ADAMTSL1: variants seen among roughly 807,000 people sequenced by gnomAD.
The protein encoded by ADAMTSL1 is ADAMTS like 1.
ADAMTSL1 carries 126 observed loss-of-function variants against 201.8 expected under a neutral mutation model. The ratio of observed to expected loss-of-function variants is 0.62; its 90% confidence interval spans 0.54 to 0.72. ADAMTSL1 has a LOEUF of 0.72. ADAMTSL1 is among the 30% of genes least tolerant of loss of function. The pLI, the probability that ADAMTSL1 is intolerant of heterozygous loss-of-function variation, is 0.00. For missense variants in ADAMTSL1, 2,679 were observed against 2,277.8 expected (o/e 1.18, Z -3.59); for synonymous variants, 1,121 against 903.4 (o/e 1.24, Z -4.32).
chr9:18,140,962 C>G lies in ADAMTSL1; in HGVS notation c.88-22900C>G, dbSNP rs551875990. ...ATTCATCCTTTCATTTTTGTGGCCA[C>G]CAAGTATTTGGTGAGCTCTGAAAAG... On this transcript the variant is annotated intron_variant, in intron 1 of 29. Transcript: ENST00000680146. 2.6e-5 allele frequency among the ~76,000 whole-genome samples: 4 copies of G among 152,236 alleles called. No homozygotes were observed. In the East Asian group the frequency reaches 7.7e-4, roughly 29 times the overall value.
At chr9:18,474,114 C>G, upstream of ADAMTSL1, 2 of 536,594 alleles carry the variant, frequency 3.7e-6, no homozygotes, top group East Asian at 5.4e-5. Context: ...GTGAGAGGGG[C>G]TGATGGAAGC....
At chr9:17,985,093 C>T (rs1402706924) in intron 1 of ADAMTSL1, among the ~76,000 whole-genome samples, 6 of 152,048 alleles carry the variant, frequency 3.9e-5, no homozygotes, top group Non-Finnish European at 5.9e-5. Context: ...TTCCAAGTAC[C>T]GTCACTCTTT....
intron 4 of ADAMTSL1, among the ~76,000 whole-genome samples, chr9:18,621,032 T>C (rs549247165): frequency 6.6e-6 from 1 of 152,350 alleles, no homozygotes; most frequent in East Asian, 1.9e-4. Context: ...CTGGTCATAT[T>C]AACAACCAGA....
intron 2 of ADAMTSL1, among the ~76,000 whole-genome samples, chr9:18,520,098 A>G (rs751572120): frequency 5.9e-5 from 9 of 152,248 alleles, no homozygotes; most frequent in Non-Finnish European, 1.3e-4. Context: ...CAAAAAGCCA[A>G]TTTGAAACTT....
chr9:18,794,184 G>C (rs1167061063), intron 19 of ADAMTSL1, among the ~76,000 whole-genome samples: 1 of 152,072 alleles, frequency 6.6e-6, no homozygotes, highest in Non-Finnish European at 1.5e-5. Flanking sequence ...GACCTGAAGA[G>C]GATCACATGA....
At chr9:18,325,871 G>A (rs532406445) in intron 2 of ADAMTSL1, among the ~76,000 whole-genome samples, 13 of 152,188 alleles carry the variant, frequency 8.5e-5, no homozygotes, top group Non-Finnish European at 1.2e-4. Context: ...CTCCCGCGTC[G>A]CTGGGATTAC....
Position 18,202,031 on chromosome 9 carries a change from T to C in ADAMTSL1, c.207+38050T>C, listed in dbSNP as rs575122891. On this transcript the variant is annotated intron_variant, in intron 2 of 29. Transcript: ENST00000680146. ...AGAATAATTCAATATGATTTGCTGT[T>C]ACCATATTCAAGATATACAGATTGT... Among the ~76,000 whole-genome samples the C allele has an allele frequency of 5.9e-5, 9 of 152,290 alleles. No homozygotes were observed. In the East Asian group the frequency reaches 1.7e-3, roughly 29 times the overall value.
intron 2 of ADAMTSL1, among the ~76,000 whole-genome samples, chr9:18,178,208 A>C (rs1414846308): frequency 3.9e-5 from 6 of 152,342 alleles, no homozygotes; most frequent in African/African-American, 1.4e-4. Context: ...GCATTGCCTC[A>C]CTTGGGAAGC....
In ADAMTSL1 at chr9:18,156,946, T is replaced by A. The variant is rs541769735; in HGVS notation, c.88-6916T>A. Among the ~76,000 whole-genome samples, 4 of 152,226 alleles carry A rather than the reference T, an allele frequency of 2.6e-5. No individual in the cohort carries two copies. The East Asian group carries it at 7.7e-4, about 29-fold the overall frequency. ...ATAAGGAAGAAGATAATTGGCTTTA[T>A]GTTTTGGGAAAGGTGCTGCCTTTCT... On this transcript the variant is annotated intron_variant, in intron 1 of 29. Transcript: ENST00000680146.
At chr9:18,903,728 A>G (rs1458867221) in intron 26 of ADAMTSL1, among the ~76,000 whole-genome samples, 1 of 152,046 alleles carries the variant, frequency 6.6e-6, no homozygotes, top group African/African-American at 2.4e-5. Context: ...GATTGGTGTC[A>G]GGAGCACCTG....
At chr9:17,976,234 A>AT (rs34637497) in intron 1 of ADAMTSL1, among the ~76,000 whole-genome samples, 32 of 151,040 alleles carry the variant, frequency 2.1e-4, no homozygotes, top group Non-Finnish European at 8.9e-5. Context: ...AAAATTTAGT[A>AT]TTTTTTTTTT....
intron 9 of ADAMTSL1, among the ~76,000 whole-genome samples, chr9:18,666,109 C>A (rs1829416189): frequency 6.6e-6 from 1 of 152,140 alleles, no homozygotes; most frequent in Non-Finnish European, 1.5e-5. Flanking sequence ...CGACATTGTG[C>A]TGAGGTAGGA....
chr9:18,451,589 T>A (rs553406026), intron 2 of ADAMTSL1, among the ~76,000 whole-genome samples: 1 of 152,342 alleles, frequency 6.6e-6, no homozygotes, highest in South Asian at 2.1e-4. Flanking sequence ...AATATACTTG[T>A]TTATCTGGCT....
At chr9:18,840,466 G>A (rs1825645404) in intron 23 of ADAMTSL1, among the ~76,000 whole-genome samples, 2 of 152,182 alleles carry the variant, frequency 1.3e-5, no homozygotes, top group Non-Finnish European at 2.9e-5. Context: ...AAGTCAGGTA[G>A]TGTGATGCCT....
intron 2 of ADAMTSL1, among the ~76,000 whole-genome samples, chr9:18,373,091 T>C (rs1448923914): frequency 6.6e-6 from 1 of 152,246 alleles, no homozygotes; most frequent in Non-Finnish European, 1.5e-5. Context: ...TCTAAAATTA[T>C]AGGTTTAAGT....
At chr9:18,790,048 T>C (rs1381548926) in intron 19 of ADAMTSL1, among the ~76,000 whole-genome samples, 2 of 152,154 alleles carry the variant, frequency 1.3e-5, no homozygotes, top group Non-Finnish European at 2.9e-5. Context: ...ATATTTTGTC[T>C]GACAACTAGA....
chr9:18,315,953 A>G (rs1326950519), intron 2 of ADAMTSL1, among the ~76,000 whole-genome samples: 1 of 152,168 alleles, frequency 6.6e-6, no homozygotes, highest in Non-Finnish European at 1.5e-5. Flanking sequence ...GTTCTTTTCT[A>G]TTTTCCCTAA....
intron 23 of ADAMTSL1, among the ~76,000 whole-genome samples, chr9:18,836,709 A>T (rs556848649): frequency 6.6e-6 from 1 of 152,306 alleles, no homozygotes; most frequent in Non-Finnish European, 1.5e-5. Context: ...TACTAATGAT[A>T]TTGGTTCTTC....
chr9:18,341,105 A>T (rs1304422413), intron 2 of ADAMTSL1, among the ~76,000 whole-genome samples: 1 of 152,042 alleles, frequency 6.6e-6, no homozygotes, highest in Non-Finnish European at 1.5e-5. Context: ...AGGAACACAA[A>T]ATTGATCATT....
Sources: allele counts gnomAD v4.1 joint callset (sites outside exome capture counted in the v4.1 genomes callset), GRCh38; gene constraint gnomAD v4.1.1; transcripts MANE v1.5; gene names NCBI Gene and HGNC (gene_info 2026-07-23, HGNC 2026-07-21).